Variants in ARFGEF2 observed in about 807,000 individuals in gnomAD.
The protein encoded by ARFGEF2 is brefeldin A-inhibited guanine nucleotide-exchange protein 2.
ARFGEF2 carries 74 observed loss-of-function variants against 219.9 expected under a neutral mutation model. That is an observed-to-expected ratio of 0.34 (90% CI 0.28 to 0.41). The LOEUF is 0.41. Ranked by LOEUF, ARFGEF2 falls within the 10% of genes least tolerant of loss-of-function variation. The pLI is 1.00. For missense variants in ARFGEF2, 1,743 were observed against 2,218.3 expected (o/e 0.79, Z 4.30); for synonymous variants, 733 against 799.2 (o/e 0.92, Z 1.40).
At chr20:48,976,566 T>G (rs1024375966) in intron 14 of ARFGEF2, among the ~76,000 whole-genome samples, 1 of 152,140 alleles carries the variant, frequency 6.6e-6, no homozygotes, top group Non-Finnish European at 1.5e-5. Context: ...CCCAGCACTT[T>G]AGGAGGCTGA....
At chr20:49,002,457 A>G (rs895723768) in intron 25 of ARFGEF2, among the ~76,000 whole-genome samples, 2 of 152,110 alleles carry the variant, frequency 1.3e-5, no homozygotes, top group Admixed American at 1.3e-4. Context: ...TGCCCCTAGG[A>G]ACTTGACTAC....
intron 16 of ARFGEF2, among the ~76,000 whole-genome samples, chr20:48,986,607 C>G (rs1325657763): frequency 2.6e-5 from 4 of 151,200 alleles, no homozygotes; most frequent in South Asian, 4.2e-4. Flanking sequence ...GAGGCAGACT[C>G]TGTCTCAAAA....
At chr20:48,953,217 C>G (rs981025464) in intron 5 of ARFGEF2, among the ~76,000 whole-genome samples, 1 of 137,538 alleles carries the variant, frequency 7.3e-6, no homozygotes, top group Non-Finnish European at 1.5e-5. Context: ...GTTCTGTTAT[C>G]CAAGCTGGAG....
At position 49,017,519 on chromosome 20, in the gene ARFGEF2, G is replaced by C. The variant is rs1308781826; in HGVS notation, c.4478G>C (p.Gly1493Ala). ...AGTTTGCTGACATGGAGACCTGTAG[G>C]AATGGAGGAAGATTCATCAGAAAAG... ...PHVLLTWRPV[G>A]MEEDSSEKHL... The change falls in exon 33 of 39, where the codon GGA becomes GCA. Residue 1493 changes from glycine (G) to alanine (A), a missense_variant. Physicochemically the swap from Gly to Ala is moderately conservative, Grantham distance 60 (BLOSUM62 0). Around this residue, in one of 5 missense-constraint regions of ARFGEF2, gnomAD observed 578 missense variants for 664.0 expected, o/e 0.87. Transcript: ENST00000371917. 1.2e-6 allele frequency: 2 copies of C among 1,613,732 alleles called. No homozygotes were observed. Among genetic ancestry groups the C allele is most frequent in the African/African-American group, 2.7e-5 (2 of 74,890 alleles).
intron 26 of ARFGEF2, among the ~76,000 whole-genome samples, chr20:49,005,532 A>G (rs914678121): frequency 6.6e-6 from 1 of 151,722 alleles, no homozygotes; most frequent in African/African-American, 2.4e-5. Flanking sequence ...AGGTCAGGAG[A>G]TCGAGACCAT....
In ARFGEF2 at chr20:49,036,221, C is replaced by T. The variant is rs942420521; in HGVS notation, c.*3022C>T. The T allele has an allele frequency of 2.3e-5, 9 of 398,200 alleles. No homozygotes were observed. The highest frequency in any genetic ancestry group is 4.1e-5 in the African/African-American group (2 of 48,604). The allele number at this position is 398,200 out of a possible 1,614,324, so 24.7% of individuals were successfully genotyped here. A position where few individuals can be genotyped will look rare whatever the true frequency, so the allele number is the denominator to read the frequency against. ...TTGTGTTAAAGTAGACATAGCTGAA[C>T]TCACATGGAATCCTGGAGTTTTGTT... On this transcript the variant is annotated 3_prime_UTR_variant, in exon 39 of 39. Transcript: ENST00000371917.
At chr20:48,964,144 C>G (rs183358558) in intron 7 of ARFGEF2, among the ~76,000 whole-genome samples, 1 of 152,184 alleles carries the variant, frequency 6.6e-6, no homozygotes, top group Non-Finnish European at 1.5e-5. Flanking sequence ...CGCGGTGGCT[C>G]ATGCCTGTAA....
intron 8 of ARFGEF2, among the ~76,000 whole-genome samples, chr20:48,967,743 T>C (rs2091197225): frequency 6.6e-6 from 1 of 152,222 alleles, no homozygotes; most frequent in African/African-American, 2.4e-5. Flanking sequence ...AATCTCTCAA[T>C]ACCCATTTTC....
rs370892758 is a variant in ARFGEF2, at chr20:48,931,457, A to G, written c.121+9447A>G. ...CATAGAGTTTATGTTCTGCTGGGGA[A>G]GGCAGATAGTAAATGAACTGATATA... On this transcript the variant is annotated intron_variant, in intron 1 of 38. Coordinates refer to ENST00000371917, the MANE Select transcript of ARFGEF2 (RefSeq NM_006420.3). Among the ~76,000 whole-genome samples, 85 of 152,338 alleles carry G rather than the reference A, an allele frequency of 5.6e-4. 3 individuals carry two copies. In the South Asian group the frequency reaches 0.017, roughly 30 times the overall value.
intron 22 of ARFGEF2, 103 bp from the exon 23 acceptor site, chr20:48,995,680 C>A: frequency 9.9e-7 from 1 of 1,007,778 alleles, no homozygotes; most frequent in Non-Finnish European, 1.6e-6. Flanking sequence ...CAGAGTCATT[C>A]CCATTTATGT....
Position 48,953,642 on chromosome 20 carries a change from C to T in ARFGEF2, c.690C>T (p.Phe230=), listed in dbSNP as rs751892205. 3 of 1,614,010 alleles carry T rather than the reference C, an allele frequency of 1.9e-6. No individual in the cohort carries two copies. Among genetic ancestry groups the T allele is most frequent in the East Asian group, 2.2e-5 (1 of 44,904 alleles). Residue 230 remains phenylalanine, a synonymous_variant, in exon 6 of 39, where the codon TTC becomes TTT. Transcript: ENST00000371917. ...AAGCTGCAGCAGTATCCCCAAAGTT[C>T]GTTCGTTTGAAGCACAGTCAGGCAC... ...VIQAAAVSPK[F]VRLKHSQAQS...
At chr20:48,929,032 A>G (rs1223176870) in intron 1 of ARFGEF2, among the ~76,000 whole-genome samples, 1 of 152,248 alleles carries the variant, frequency 6.6e-6, no homozygotes, top group African/African-American at 2.4e-5. Context: ...ATGTGTACTT[A>G]ATCAGCAAGA....
At chr20:49,007,700 A>T (rs955762970) in intron 26 of ARFGEF2, among the ~76,000 whole-genome samples, 36 of 149,898 alleles carry the variant, frequency 2.4e-4, no homozygotes, top group African/African-American at 8.6e-4. Context: ...TTTCCTTGAC[A>T]TGTCTCTCTT....
chr20:49,029,902 A>AAT (rs1555816762), intron 37 of ARFGEF2, among the ~76,000 whole-genome samples: 347 of 97,748 alleles, frequency 3.5e-3, no homozygotes, highest in African/African-American at 7.7e-3. Context: ...CTAAAAGTGA[A>AAT]TTTTTTTTTT....
intron 1 of ARFGEF2, among the ~76,000 whole-genome samples, chr20:48,928,388 C>T (rs1476831341): frequency 6.2e-5 from 9 of 145,552 alleles, no homozygotes; most frequent in East Asian, 2.0e-4. Context: ...TTAGTAGAGA[C>T]GGGGTTTCAC....
At chr20:48,953,934 C>G (rs1199532348) in intron 6 of ARFGEF2, 144 bp downstream of exon 6, 9 of 887,934 alleles carry the variant, frequency 1.0e-5, no homozygotes, top group Non-Finnish European at 1.6e-5. Flanking sequence ...TTGCTTTTCT[C>G]TTAGGGAACA....
At chr20:48,996,544 C>G (rs1022474811) in intron 23 of ARFGEF2, among the ~76,000 whole-genome samples, 1 of 151,694 alleles carries the variant, frequency 6.6e-6, no homozygotes, top group Non-Finnish European at 1.5e-5. Flanking sequence ...CGAGACCATC[C>G]TGGCCAACAT....
At position 48,989,473 on chromosome 20, in the gene ARFGEF2, G is replaced by C. The variant is rs376166321; in HGVS notation, c.2685+37G>C. ...GAGAACTTAGCAAGCATGTGGCTAA[G>C]CCTGATTCTGAAGCTGGCCAGCGAG... On this transcript the variant is annotated intron_variant, in intron 19 of 38. Coordinates refer to ENST00000371917, the MANE Select transcript of ARFGEF2 (RefSeq NM_006420.3). The C allele has an allele frequency of 2.5e-5, 41 of 1,614,110 alleles. No homozygotes were observed. In the African/African-American group the frequency reaches 4.1e-4, roughly 16 times the overall value.
rs150046458 is a variant in ARFGEF2 at position 48,953,722 on chromosome 20, G to A, written c.770G>A (p.Arg257Lys). 120 of 1,614,090 alleles carry A rather than the reference G, an allele frequency of 7.4e-5. No individual in the cohort carries two copies. The Middle Eastern group carries it at 9.9e-4, about 13-fold the overall frequency. ...KTDLTNGEHARSDSGKVSTEN... is the reference protein window; with the variant it reads ...KTDLTNGEHAKSDSGKVSTEN... ...GATTTAACCAACGGTGAACATGCCA[G>A]GAGTGATTCTGGAAAAGTAAGCACA... is the stretch of plus-strand genomic sequence containing the variant. The change falls in exon 6 of 39, where the codon AGG (arginine) becomes AAG (lysine). Residue 257 changes from arginine to lysine, a missense_variant. Arg to Lys is a conservative substitution (Grantham distance 26). Transcript: ENST00000371917.
Sources: allele counts gnomAD v4.1 joint callset (sites outside exome capture counted in the v4.1 genomes callset), GRCh38; gene constraint gnomAD v4.1.1; regional missense constraint gnomAD v4.1.1; transcripts MANE v1.5; gene names NCBI Gene and HGNC (gene_info 2026-07-23, HGNC 2026-07-21).